The following SORCS2 variants were observed in gnomAD, a reference collection of about 807,000 sequenced individuals.
SORCS2 encodes the protein sortilin related VPS10 domain containing receptor 2, also known as VPS10 domain-containing receptor SorCS2.
A neutral mutation model predicts 141.6 loss-of-function variants in SORCS2; 100 were observed. The observed-to-expected ratio is 0.71, with a 90% CI of 0.60 to 0.83. SORCS2 has a LOEUF of 0.83. Among genes scored for constraint, SORCS2 ranks in the 40% least tolerant of loss-of-function variants. The probability of loss-of-function intolerance (pLI) is 0.00; values close to 1 mark genes in which losing one functional copy is unlikely to be tolerated. For missense variants in SORCS2, 1,646 were observed against 1,560.2 expected (o/e 1.05, Z -0.93); for synonymous variants, 789 against 676.9 (o/e 1.17, Z -2.57).
intron 3 of SORCS2, among the ~76,000 whole-genome samples, chr4:7,535,842 A>C (rs1374750673): frequency 6.6e-6 from 1 of 152,176 alleles, no homozygotes; most frequent in Non-Finnish European, 1.5e-5. Flanking sequence ...GGCCCTGCTG[A>C]TCTGCACCCA....
intron 2 of SORCS2, among the ~76,000 whole-genome samples, chr4:7,429,959 G>A (rs1212677877): frequency 4.6e-5 from 7 of 152,198 alleles, no homozygotes; most frequent in South Asian, 4.1e-4. Flanking sequence ...AGCCATGCCC[G>A]GCAGGCTGGC....
At chr4:7,716,378 C>G (rs1726188753) in intron 17 of SORCS2, among the ~76,000 whole-genome samples, 1 of 152,150 alleles carries the variant, frequency 6.6e-6, no homozygotes, top group Non-Finnish European at 1.5e-5. Context: ...CACCCATCAT[C>G]CAGTTAGCCA....
At chr4:7,245,015 C>T (rs150821570) in intron 1 of SORCS2, among the ~76,000 whole-genome samples, 2,456 of 152,238 alleles carry the variant, frequency 0.016, 21 homozygotes, top group Non-Finnish European at 0.025. Flanking sequence ...CCAAGGTGGC[C>T]GCCTACCTGG....
At chr4:7,328,018 C>CTT (rs60976971) in intron 1 of SORCS2, among the ~76,000 whole-genome samples, 3,083 of 88,308 alleles carry the variant, frequency 0.035, 184 homozygotes, top group African/African-American at 0.042. Flanking sequence ...TCGTGCTAGG[C>CTT]TTTTTTTTTT....
At chr4:7,476,148 A>G (rs1730277396) in intron 2 of SORCS2, among the ~76,000 whole-genome samples, 1 of 152,246 alleles carries the variant, frequency 6.6e-6, no homozygotes, top group African/African-American at 2.4e-5. Context: ...AAACAGAATC[A>G]TAGGACATGG....
chr4:7,541,985 C>T (rs1208579519), intron 3 of SORCS2, among the ~76,000 whole-genome samples: 1 of 152,236 alleles, frequency 6.6e-6, no homozygotes, highest in African/African-American at 2.4e-5. Flanking sequence ...GCAGGACCCC[C>T]TGCCAGCTCC....
chr4:7,215,557 G>A (rs1488206330), intron 1 of SORCS2, among the ~76,000 whole-genome samples: 5 of 152,366 alleles, frequency 3.3e-5, no homozygotes, highest in East Asian at 1.9e-4. Context: ...CTGCAGCCCC[G>A]GTGCGGGATC....
intron 3 of SORCS2, among the ~76,000 whole-genome samples, chr4:7,541,311 C>T (rs780574918): frequency 6.6e-6 from 1 of 152,342 alleles, no homozygotes; most frequent in Non-Finnish European, 1.5e-5. Context: ...CGTGGGACCC[C>T]AGGACCTGGG....
intron 1 of SORCS2, among the ~76,000 whole-genome samples, chr4:7,234,097 T>C (rs1044301582): frequency 6.6e-6 from 1 of 152,132 alleles, no homozygotes; most frequent in East Asian, 1.9e-4. Flanking sequence ...CTGGAGTTAC[T>C]AGGACAAGGA....
chr4:7,656,883 C>T (rs1721814031), intron 5 of SORCS2, among the ~76,000 whole-genome samples: 1 of 152,206 alleles, frequency 6.6e-6, no homozygotes, highest in Non-Finnish European at 1.5e-5. Flanking sequence ...GCCCTCAGCA[C>T]AAATGGGGTG....
chr4:7,404,876 A>G (rs1003885727), intron 2 of SORCS2, among the ~76,000 whole-genome samples: 1 of 152,012 alleles, frequency 6.6e-6, no homozygotes. Context: ...CTGTTTGCCT[A>G]TTTTTGTTTT....
intron 1 of SORCS2, among the ~76,000 whole-genome samples, chr4:7,305,649 CTG>C (rs1322710785): frequency 6.6e-6 from 1 of 152,194 alleles, no homozygotes; most frequent in African/African-American, 2.4e-5. Flanking sequence ...ATGGTCACAA[CTG>C]GGGTTCAACT....
At chr4:7,314,529 T>C (rs1384241755) in intron 1 of SORCS2, among the ~76,000 whole-genome samples, 1 of 151,814 alleles carries the variant, frequency 6.6e-6, no homozygotes. Flanking sequence ...TTAGTGGAGA[T>C]GGGGTTTCAC....
chr4:7,321,525 C>T (rs1718893570), intron 1 of SORCS2, among the ~76,000 whole-genome samples: 1 of 152,228 alleles, frequency 6.6e-6, no homozygotes, highest in African/African-American at 2.4e-5. Flanking sequence ...GGGACTCTTT[C>T]TGGCACTGGG....
chr4:7,531,761 C>G (rs1711673947), intron 3 of SORCS2, 132 bp downstream of exon 3: 2 of 858,860 alleles, frequency 2.3e-6, no homozygotes, highest in African/African-American at 1.7e-5. Context: ...ATGTTTCCCT[C>G]CCAGCTCTCA....
chr4:7,720,121 TCACA>T (rs750815929), intron 18 of SORCS2, among the ~76,000 whole-genome samples: 4 of 152,070 alleles, frequency 2.6e-5, no homozygotes, highest in Non-Finnish European at 4.4e-5. Context: ...TTGTACACAC[TCACA>T]CACTGTCTCA....
chr4:7,642,982 A>G (rs537264412), intron 4 of SORCS2, among the ~76,000 whole-genome samples: 1 of 152,196 alleles, frequency 6.6e-6, no homozygotes, highest in Non-Finnish European at 1.5e-5. Context: ...AATGGAGTGG[A>G]CACAATTGCC....
At chr4:7,723,374 C>G (rs967872642) in intron 18 of SORCS2, among the ~76,000 whole-genome samples, 6 of 152,146 alleles carry the variant, frequency 3.9e-5, no homozygotes, top group Non-Finnish European at 8.8e-5. Flanking sequence ...GGGTCTCCCC[C>G]GGGCCCTGAC....
chr4:7,528,580 C>G (rs1733843199), intron 2 of SORCS2, among the ~76,000 whole-genome samples: 1 of 152,156 alleles, frequency 6.6e-6, no homozygotes, highest in South Asian at 2.1e-4. Flanking sequence ...CGCCTGCCAC[C>G]TCGCCCGGCC....
Sources: gnomAD v4.1 joint callset for allele counts (sites outside exome capture counted in the v4.1 genomes callset) on GRCh38, gnomAD v4.1.1 for gene constraint, MANE v1.5 for transcripts, NCBI Gene and HGNC (gene_info 2026-07-23, HGNC 2026-07-21) for gene names.